The following ANO10 variants were observed in gnomAD, a reference collection of about 807,000 sequenced individuals.
The protein encoded by ANO10 is anoctamin-10.
In ANO10, 77 loss-of-function variants were observed where a neutral mutation model predicts 74.7. The observed-to-expected ratio is 1.03, with a 90% CI of 0.86 to 1.25. The LOEUF is 1.25. Ranked by LOEUF, ANO10 falls within the 50% of genes most tolerant of loss-of-function variation. The probability of loss-of-function intolerance (pLI) is 0.00; values close to 1 mark genes in which losing one functional copy is unlikely to be tolerated. For synonymous variants in ANO10, 279 were observed against 284.9 expected (o/e 0.98, Z 0.21); for missense variants, 721 against 778.1 (o/e 0.93, Z 0.87).
chr3:43,472,810 C>T (rs1317577106), intron 11 of ANO10, among the ~76,000 whole-genome samples: 1 of 152,174 alleles, frequency 6.6e-6, no homozygotes, highest in African/African-American at 2.4e-5. Flanking sequence ...AAATAGGAGA[C>T]TATCCTTATT....
At chr3:43,691,348 C>T in intron 1 of ANO10, 1 of 238,768 alleles carries the variant, frequency 4.2e-6, no homozygotes, top group Admixed American at 5.6e-5. Context: ...CGCGGGCCGG[C>T]GACGGAGCTG....
rs555665804 is a variant in ANO10 at position 43,466,500 on chromosome 3, G to A, written c.1798-33773C>T. Reference sequence around the variant, plus strand: ...GGCAAGATGAATGTAGACAAGGTGCGAAAGTAATCAATGAGAAAAAAGGGT... The same window carrying A: ...GGCAAGATGAATGTAGACAAGGTGCAAAAGTAATCAATGAGAAAAAAGGGT... On this transcript the variant is annotated intron_variant, in intron 11 of 12. Coordinates refer to ENST00000292246, the MANE Select transcript of ANO10 (RefSeq NM_018075.5). 7.2e-5 allele frequency among the ~76,000 whole-genome samples: 11 copies of A among 151,884 alleles called. No homozygotes were observed. In the South Asian group the frequency reaches 1.3e-3, roughly 17 times the overall value.
At chr3:43,575,562 G>A (rs975251688) in intron 6 of ANO10, among the ~76,000 whole-genome samples, 4 of 152,134 alleles carry the variant, frequency 2.6e-5, no homozygotes, top group African/African-American at 9.7e-5. Context: ...TAAAACTTTA[G>A]CCTAGTATTA....
chr3:43,513,190 A>G (rs2077576437), intron 11 of ANO10, among the ~76,000 whole-genome samples: 1 of 152,216 alleles, frequency 6.6e-6, no homozygotes. Context: ...CTGTTCACAC[A>G]GGACTGAGAA....
chr3:43,674,828 C>T (rs2084101941), intron 1 of ANO10, among the ~76,000 whole-genome samples: 1 of 152,200 alleles, frequency 6.6e-6, no homozygotes, highest in African/African-American at 2.4e-5. Context: ...GTCCCTGCCT[C>T]TATCCATCCA....
intron 12 of ANO10, among the ~76,000 whole-genome samples, chr3:43,381,015 A>G (rs1270337844): frequency 6.6e-6 from 1 of 152,182 alleles, no homozygotes; most frequent in Admixed American, 6.5e-5. Context: ...GGCAGGAGAG[A>G]GAAGCGCCGA....
chr3:43,682,613 C>G (rs554675113), intron 1 of ANO10, among the ~76,000 whole-genome samples: 1 of 152,130 alleles, frequency 6.6e-6, no homozygotes. Context: ...CAAAGCCTGG[C>G]AGAGACACAA....
intron 1 of ANO10, among the ~76,000 whole-genome samples, chr3:43,638,085 C>A (rs1040649833): frequency 6.6e-6 from 1 of 152,176 alleles, no homozygotes; most frequent in Non-Finnish European, 1.5e-5. Context: ...TTAATGAGAT[C>A]ATCTTGTGAA....
chr3:43,564,694 G>C (rs866664554), intron 8 of ANO10, among the ~76,000 whole-genome samples: 1 of 152,094 alleles, frequency 6.6e-6, no homozygotes, highest in Non-Finnish European at 1.5e-5. Flanking sequence ...ATGAATCTTT[G>C]CTCCTCTCTG....
intron 4 of ANO10, among the ~76,000 whole-genome samples, chr3:43,581,367 A>G (rs1277235940): frequency 1.3e-5 from 2 of 152,260 alleles, no homozygotes; most frequent in East Asian, 1.9e-4. Flanking sequence ...ACTCATGCAT[A>G]TATCTGGAAG....
chr3:43,390,804 T>C (rs2092256292), intron 12 of ANO10, among the ~76,000 whole-genome samples: 1 of 152,242 alleles, frequency 6.6e-6, no homozygotes, highest in African/African-American at 2.4e-5. Flanking sequence ...AAGACAACTT[T>C]ATGAGTAGAA....
At chr3:43,607,334 TAA>T (rs113006272) in intron 1 of ANO10, among the ~76,000 whole-genome samples, 2 of 118,500 alleles carry the variant, frequency 1.7e-5, no homozygotes, top group African/African-American at 3.0e-5. Context: ...AGACCCTGTC[TAA>T]AAAAAAAAAA....
chr3:43,405,801 T>C (rs1260004616), intron 12 of ANO10, among the ~76,000 whole-genome samples: 2 of 152,144 alleles, frequency 1.3e-5, no homozygotes, highest in Non-Finnish European at 2.9e-5. Context: ...AGCTAAAATT[T>C]CAACCTAAAA....
intron 1 of ANO10, among the ~76,000 whole-genome samples, chr3:43,651,866 C>T (rs1559385439): frequency 6.6e-6 from 1 of 152,126 alleles, no homozygotes; most frequent in Non-Finnish European, 1.5e-5. Flanking sequence ...TTTCCTCCTA[C>T]AATACAGTCT....
At chr3:43,511,841 A>G (rs1346384460) in intron 11 of ANO10, among the ~76,000 whole-genome samples, 1 of 151,546 alleles carries the variant, frequency 6.6e-6, no homozygotes, top group East Asian at 2.0e-4. Context: ...GTAGATTTTT[A>G]CCTACATTAA....
rs149965088 is a variant in ANO10, at chr3:43,420,314, C to T, written c.1914+12297G>A. 1.7e-3 allele frequency among the ~76,000 whole-genome samples: 265 copies of T among 152,036 alleles called. 1 individual carries two copies. The highest frequency in any genetic ancestry group is 5.9e-3 in the African/African-American group (245 of 41,480). On this transcript the variant is annotated intron_variant, in intron 12 of 12. Transcript: ENST00000292246. ...TACAAAAATTAGCCCTTCATGGTGGCGCACACCTGTAGTCCCAGATACTCA... is the reference window on the plus strand; with the variant it reads ...TACAAAAATTAGCCCTTCATGGTGGTGCACACCTGTAGTCCCAGATACTCA...
intron 11 of ANO10, among the ~76,000 whole-genome samples, chr3:43,540,309 C>T (rs1204085517): frequency 2.0e-5 from 3 of 152,192 alleles, no homozygotes; most frequent in African/African-American, 4.8e-5. Flanking sequence ...CTCTCTGCTG[C>T]GCCTAAATAA....
chr3:43,532,676 C>T (rs2078525742), intron 11 of ANO10, among the ~76,000 whole-genome samples: 1 of 152,066 alleles, frequency 6.6e-6, no homozygotes, highest in African/African-American at 2.4e-5. Context: ...GTTTCATCAC[C>T]CACCAAAAAT....
At chr3:43,376,708 A>C (rs1232566899) in intron 12 of ANO10, among the ~76,000 whole-genome samples, 1 of 152,242 alleles carries the variant, frequency 6.6e-6, no homozygotes, top group Non-Finnish European at 1.5e-5. Context: ...TGTAAAAATA[A>C]CATGTAATCA....
Sources: gnomAD v4.1 joint callset for allele counts (sites outside exome capture counted in the v4.1 genomes callset) on GRCh38, gnomAD v4.1.1 for gene constraint, MANE v1.5 for transcripts, NCBI Gene and HGNC (gene_info 2026-07-23, HGNC 2026-07-21) for gene names.